ANKFN1: variants seen among roughly 807,000 people sequenced by gnomAD.
The protein encoded by ANKFN1 is ankyrin repeat and fibronectin type III domain containing 1, also known as ankyrin repeat and fibronectin type-III domain-containing protein 1.
Under a neutral mutation model 108.7 loss-of-function variants are expected in ANKFN1, and 74 were observed. The observed-to-expected ratio is 0.68, with a 90% CI of 0.56 to 0.83. The LOEUF (loss-of-function observed/expected upper bound fraction) is 0.83. Among genes scored for constraint, ANKFN1 ranks in the 40% least tolerant of loss-of-function variants. The probability of loss-of-function intolerance (pLI) is 0.00; values close to 1 mark genes in which losing one functional copy is unlikely to be tolerated. For synonymous variants in ANKFN1, 547 were observed against 516.2 expected, an observed-to-expected ratio of 1.06 and a Z score of -0.81; for missense variants, 1,505 against 1,382.3, an observed-to-expected ratio of 1.09 and a Z score of -1.41.
intron 4 of ANKFN1, among the ~76,000 whole-genome samples, chr17:56,328,283 G>A (rs1034143337): frequency 2.0e-5 from 3 of 152,068 alleles, no homozygotes; most frequent in Admixed American, 6.6e-5. Flanking sequence ...TATGGAATTA[G>A]CAGCTGCAAA....
At chr17:56,178,243 C>T (rs1025460636) in intron 1 of ANKFN1, among the ~76,000 whole-genome samples, 3 of 152,102 alleles carry the variant, frequency 2.0e-5, no homozygotes, top group African/African-American at 7.2e-5. Context: ...CTTCATGTAT[C>T]GTATGACTTG....
intron 14 of ANKFN1, among the ~76,000 whole-genome samples, chr17:56,461,094 C>T (rs1433030090): frequency 2.6e-5 from 4 of 152,192 alleles, no homozygotes; most frequent in Non-Finnish European, 2.9e-5. Context: ...GGAAGGGAAG[C>T]TGGATTGCAG....
At position 56,237,142 on chromosome 17, in the gene ANKFN1, T is replaced by C. The variant is rs184928481; in HGVS notation, c.53+9185T>C. On this transcript the variant is annotated intron_variant, in intron 3 of 20. Transcript: ENST00000682825. Reference sequence around the variant, plus strand: ...ATTGTTGTGGGTTAGCTTTTTAATATGCTGCTGGATTTGGTTTGCAAGTAT... The same window carrying C: ...ATTGTTGTGGGTTAGCTTTTTAATACGCTGCTGGATTTGGTTTGCAAGTAT... 2.3e-3 allele frequency among the ~76,000 whole-genome samples: 349 copies of C among 152,344 alleles called. 1 individual carries two copies. Among genetic ancestry groups the C allele is most frequent in the Middle Eastern group, 6.8e-3 (2 of 294 alleles).
At chr17:56,167,610 CA>C (rs1910271324) in intron 1 of ANKFN1, among the ~76,000 whole-genome samples, 1 of 151,996 alleles carries the variant, frequency 6.6e-6, no homozygotes, top group Non-Finnish European at 1.5e-5. Context: ...AAATGTACTA[CA>C]CTATAGTTTA....
intron 14 of ANKFN1, among the ~76,000 whole-genome samples, chr17:56,462,594 C>T (rs2049942224): frequency 6.6e-6 from 1 of 151,928 alleles, no homozygotes; most frequent in Non-Finnish European, 1.5e-5. Context: ...AACTCTGTCT[C>T]ACAAAAAAAT....
intron 4 of ANKFN1, among the ~76,000 whole-genome samples, chr17:56,350,091 G>A (rs942038319): frequency 1.4e-4 from 21 of 152,156 alleles, no homozygotes; most frequent in African/African-American, 5.1e-4. Flanking sequence ...CTGAAACAAT[G>A]GTCAAGTACT....
chr17:56,485,800 A>C (rs2050837492), intron 18 of ANKFN1, among the ~76,000 whole-genome samples: 1 of 152,194 alleles, frequency 6.6e-6, no homozygotes, highest in Non-Finnish European at 1.5e-5. Context: ...GTGCTTCTCA[A>C]ATTTTAACCT....
At chr17:56,352,856 T>C (rs527589541) in intron 5 of ANKFN1, among the ~76,000 whole-genome samples, 29 of 152,264 alleles carry the variant, frequency 1.9e-4, no homozygotes, top group African/African-American at 6.5e-4. Context: ...TATTCTTGTA[T>C]CAGTATAGAG....
intron 15 of ANKFN1, among the ~76,000 whole-genome samples, chr17:56,474,253 A>C (rs2050424206): frequency 6.6e-6 from 1 of 152,106 alleles, no homozygotes; most frequent in African/African-American, 2.4e-5. Context: ...ATTATCTACA[A>C]ATCTTCCACC....
chr17:56,509,952 G>A (rs1362583993), intron 20 of ANKFN1, among the ~76,000 whole-genome samples: 1 of 152,214 alleles, frequency 6.6e-6, no homozygotes, highest in Non-Finnish European at 1.5e-5. Context: ...GAGCAAGGTA[G>A]TCCTTCAGAA....
intron 8 of ANKFN1, among the ~76,000 whole-genome samples, chr17:56,392,246 C>T (rs776656741): frequency 4.6e-5 from 7 of 152,148 alleles, no homozygotes; most frequent in Non-Finnish European, 7.3e-5. Flanking sequence ...GTTGAACCCA[C>T]GCATTGTTAC....
chr17:56,488,636 T>A (rs1338101714), intron 18 of ANKFN1, among the ~76,000 whole-genome samples: 2 of 152,228 alleles, frequency 1.3e-5, no homozygotes, highest in African/African-American at 2.4e-5. Context: ...TTATTCCACC[T>A]GTCAACTCAT....
At position 56,163,376 on chromosome 17, in the gene ANKFN1, C is replaced by T. The variant is rs550161318; in HGVS notation, c.-71+9846C>T. 2.5e-4 allele frequency among the ~76,000 whole-genome samples: 38 copies of T among 152,316 alleles called. No homozygotes were observed. In the South Asian group the frequency reaches 7.7e-3, roughly 31 times the overall value. ...GTTTAAACTTGACACTGTCCAGCCT[C>T]GAGCAATACATGAAGCAAGTAATAG... is the stretch of plus-strand genomic sequence containing the variant. On this transcript the variant is annotated intron_variant, in intron 1 of 20. Coordinates refer to ENST00000682825, the MANE Select transcript of ANKFN1 (RefSeq NM_001370326.1).
At chr17:56,153,581 G>A in intron 1 of ANKFN1, 51 bp downstream of exon 1, 1 of 1,607,536 alleles carries the variant, frequency 6.2e-7, no homozygotes, top group South Asian at 1.1e-5. Flanking sequence ...GGAGGCCATT[G>A]TTTTGCATTC....
At chr17:56,428,969 C>G (rs1243653819) in intron 8 of ANKFN1, among the ~76,000 whole-genome samples, 1 of 151,746 alleles carries the variant, frequency 6.6e-6, no homozygotes, top group Non-Finnish European at 1.5e-5. Flanking sequence ...ATGTTGGCCA[C>G]TGTGAGGGAT....
intron 6 of ANKFN1, among the ~76,000 whole-genome samples, chr17:56,370,930 G>A (rs968246576): frequency 4.3e-5 from 6 of 140,604 alleles, no homozygotes; most frequent in Admixed American, 7.8e-5. Flanking sequence ...TGGAGTGTGC[G>A]CCCGCGTGTG....
intron 10 of ANKFN1, among the ~76,000 whole-genome samples, chr17:56,447,985 T>G (rs7224952): frequency 6.6e-6 from 1 of 152,064 alleles, no homozygotes; most frequent in Non-Finnish European, 1.5e-5. Flanking sequence ...AATGCTTTTA[T>G]ATAACTTTAA....
intron 4 of ANKFN1, among the ~76,000 whole-genome samples, chr17:56,093,751 T>G (rs1905464583): frequency 6.6e-6 from 1 of 151,352 alleles, no homozygotes; most frequent in Non-Finnish European, 1.5e-5. Flanking sequence ...CTAGGTAATG[T>G]GCATAAAACT....
intron 4 of ANKFN1, among the ~76,000 whole-genome samples, chr17:56,347,654 A>G (rs1402562796): frequency 6.6e-6 from 1 of 152,064 alleles, no homozygotes; most frequent in African/African-American, 2.4e-5. Context: ...TTATCTGACA[A>G]AATTTTAAAT....
Sources: allele counts gnomAD v4.1 joint callset (sites outside exome capture counted in the v4.1 genomes callset), GRCh38; gene constraint gnomAD v4.1.1; transcripts MANE v1.5; gene names NCBI Gene and HGNC (gene_info 2026-07-23, HGNC 2026-07-21).